Variants in PPP1R9A observed in about 807,000 individuals in gnomAD.
The protein encoded by PPP1R9A is protein phosphatase 1 regulatory subunit 9A.
Under a neutral mutation model 141.9 loss-of-function variants are expected in PPP1R9A, and 59 were observed. The observed-to-expected ratio is 0.42, with a 90% CI of 0.34 to 0.52. The LOEUF (loss-of-function observed/expected upper bound fraction) is 0.52, where lower values mean the gene tolerates loss of function less well. PPP1R9A is among the 20% of genes least tolerant of loss of function. PPP1R9A has a pLI of 0.10. For synonymous variants in PPP1R9A, 500 were observed against 569.7 expected, an observed-to-expected ratio of 0.88 and a Z score of 1.74; for missense variants, 1,444 against 1,611.9, an observed-to-expected ratio of 0.90 and a Z score of 1.78.
intron 2 of PPP1R9A, among the ~76,000 whole-genome samples, chr7:94,980,015 C>T (rs1799897130): frequency 6.6e-6 from 1 of 151,888 alleles, no homozygotes; most frequent in African/African-American, 2.4e-5. Flanking sequence ...TAGACTAATG[C>T]TTCTTTTACC....
chr7:94,950,772 G>A (rs1323087187), intron 2 of PPP1R9A, among the ~76,000 whole-genome samples: 2 of 152,016 alleles, frequency 1.3e-5, no homozygotes, highest in Non-Finnish European at 2.9e-5. Flanking sequence ...TCTGAGACAA[G>A]GTCTCACTTT....
rs1675001966 is a variant in PPP1R9A, at chr7:95,295,612, T to C, written c.*5309T>C. 1 of 152,220 alleles carries C rather than the reference T, an allele frequency of 6.6e-6. No individual in the cohort carries two copies. Among genetic ancestry groups the C allele is most frequent in the Non-Finnish European group, 1.5e-5 (1 of 68,052 alleles). The allele number at this position is 152,220 out of a possible 1,614,324, so 9.4% of individuals were successfully genotyped here. On this transcript the variant is annotated 3_prime_UTR_variant, in exon 20 of 20. Transcript: ENST00000433360. ...GTGCAAGCAATGGCATTTTGGTTGT[T>C]GCCAAAAACAACACAAGTGGTTGGG...
intron 2 of PPP1R9A, among the ~76,000 whole-genome samples, chr7:94,920,240 G>C (rs113081880): frequency 6.6e-6 from 1 of 152,158 alleles, no homozygotes; most frequent in African/African-American, 2.4e-5. Flanking sequence ...AAAACACCCT[G>C]CTGAGGAAAC....
chr7:95,217,223 A>C (rs1199450968), intron 7 of PPP1R9A, among the ~76,000 whole-genome samples: 1 of 152,204 alleles, frequency 6.6e-6, no homozygotes, highest in African/African-American at 2.4e-5. Flanking sequence ...CTATTGAGAT[A>C]ATCATGTGGT....
chr7:94,920,636 A>T (rs1792676146), intron 2 of PPP1R9A, among the ~76,000 whole-genome samples: 1 of 152,248 alleles, frequency 6.6e-6, no homozygotes, highest in East Asian at 1.9e-4. Context: ...TTTATAAGTC[A>T]GATGAGTTTT....
intron 4 of PPP1R9A, among the ~76,000 whole-genome samples, chr7:95,135,008 TTC>T (rs1825390220): frequency 6.6e-6 from 1 of 152,202 alleles, no homozygotes; most frequent in Admixed American, 6.5e-5. Context: ...ATTCTCAGTC[TTC>T]TTGTTGCTCT....
chr7:95,284,349 A>G lies in PPP1R9A; in HGVS notation c.3609+19A>G. On this transcript the variant is annotated intron_variant, in intron 17 of 19. Transcript: ENST00000433360. ...AACCAATGTAATAACACTGCAATAA[A>G]CAATGCATGGTATTTCTTATGTGGG... 2 of 1,421,774 alleles carry G rather than the reference A, an allele frequency of 1.4e-6. No individual in the cohort carries two copies. Among genetic ancestry groups the G allele is most frequent in the Non-Finnish European group, 9.5e-7 (1 of 1,057,816 alleles). 88.1% of individuals were successfully genotyped at this position (1,421,774 alleles called of 1,614,324 possible). A position where few individuals can be genotyped will look rare whatever the true frequency, so the allele number is the denominator to read the frequency against.
At chr7:95,201,573 C>T (rs1263407750) in intron 6 of PPP1R9A, among the ~76,000 whole-genome samples, 1 of 152,044 alleles carries the variant, frequency 6.6e-6, no homozygotes, top group Non-Finnish European at 1.5e-5. Context: ...TGCTTTTTCC[C>T]TATTTTCTAT....
At chr7:95,124,637 G>A (rs1399009537) in intron 4 of PPP1R9A, among the ~76,000 whole-genome samples, 1 of 152,038 alleles carries the variant, frequency 6.6e-6, no homozygotes, top group African/African-American at 2.4e-5. Context: ...TGTTCTCTAA[G>A]GTAGTTCCTT....
At chr7:95,072,721 T>C (rs1814056310) in intron 2 of PPP1R9A, among the ~76,000 whole-genome samples, 1 of 111,670 alleles carries the variant, frequency 9.0e-6, no homozygotes, top group South Asian at 2.3e-4. Context: ...ATATTATATG[T>C]ATATTTATTA....
At chr7:95,013,471 A>T (rs947117953) in intron 2 of PPP1R9A, among the ~76,000 whole-genome samples, 3 of 152,074 alleles carry the variant, frequency 2.0e-5, no homozygotes, top group African/African-American at 4.8e-5. Flanking sequence ...TTAGTCTAGT[A>T]CTAGCAAACA....
intron 4 of PPP1R9A, among the ~76,000 whole-genome samples, chr7:95,126,100 C>T (rs1343613193): frequency 6.6e-6 from 1 of 152,134 alleles, no homozygotes; most frequent in African/African-American, 2.4e-5. Context: ...GCTATTACTG[C>T]TTTGATATGT....
intron 2 of PPP1R9A, among the ~76,000 whole-genome samples, chr7:95,019,074 A>G (rs1805511799): frequency 6.6e-6 from 1 of 152,228 alleles, no homozygotes; most frequent in Admixed American, 6.5e-5. Context: ...ATCATAGACC[A>G]ACATGTAAAA....
intron 2 of PPP1R9A, among the ~76,000 whole-genome samples, chr7:95,088,875 G>A (rs1816968727): frequency 6.6e-6 from 1 of 152,014 alleles, no homozygotes; most frequent in Admixed American, 6.6e-5. Flanking sequence ...TTAATGCAGT[G>A]ATAATTTGCT....
chr7:94,979,016 C>T (rs559827505), intron 2 of PPP1R9A, among the ~76,000 whole-genome samples: 4 of 152,214 alleles, frequency 2.6e-5, no homozygotes, highest in South Asian at 2.1e-4. Context: ...AGGCTGGTCT[C>T]GAACTGCTGA....
chr7:95,156,996 G>A (rs898439706), intron 4 of PPP1R9A: 1 of 152,494 alleles, frequency 6.6e-6, no homozygotes, highest in African/African-American at 2.4e-5. Flanking sequence ...GGGCAGCCAT[G>A]GGCAGATCCA....
In PPP1R9A at chr7:94,910,205, A is replaced by G; in HGVS notation, c.92A>G (p.Lys31Arg). ...TATCGAACTGAGTTTCAGGCACTGAAAAGTACCTTTGACAAACCCAAGTCA... is the reference window on the plus strand; with the variant it reads ...TATCGAACTGAGTTTCAGGCACTGAGAAGTACCTTTGACAAACCCAAGTCA... Reference protein sequence around the residue: ...NAYRTEFQALKSTFDKPKSDG... With the variant: ...NAYRTEFQALRSTFDKPKSDG... Residue 31 changes from lysine (K) to arginine (R), a missense_variant, in exon 2 of 20, where the codon AAA becomes AGA. Physicochemically the swap from Lys to Arg is conservative, Grantham distance 26. Transcript: ENST00000433360. This position sits in a 1 kb window ranked among gnomAD's most constrained non-coding sequence, Gnocchi z 4.5. The G allele has an allele frequency of 6.2e-7, 1 of 1,614,156 alleles. No homozygotes were observed. The highest frequency in any genetic ancestry group is 8.5e-7 in the Non-Finnish European group (1 of 1,180,014).
rs181850249 is a variant in PPP1R9A, at chr7:95,153,271, G to A, written c.1650-8596G>A. 7.9e-5 allele frequency among the ~76,000 whole-genome samples: 12 copies of A among 152,220 alleles called. No individual in the cohort carries two copies. In the South Asian group the frequency reaches 8.3e-4, roughly 11 times the overall value. On this transcript the variant is annotated intron_variant, in intron 4 of 19. Coordinates refer to ENST00000433360, the MANE Select transcript of PPP1R9A (RefSeq NM_001166160.2). ...AGAAGTAGAGTTGTATATTGTAAGCGCTATGCTTGCTATTCAAGATCTTGA... is the reference window on the plus strand; with the variant it reads ...AGAAGTAGAGTTGTATATTGTAAGCACTATGCTTGCTATTCAAGATCTTGA...
intron 5 of PPP1R9A, among the ~76,000 whole-genome samples, chr7:95,170,858 T>C (rs545842123): frequency 6.6e-6 from 1 of 151,804 alleles, no homozygotes; most frequent in East Asian, 1.9e-4. Context: ...TTATTAACTT[T>C]TTAAAACAAA....
Sources: gnomAD v4.1 joint callset for allele counts (sites outside exome capture counted in the v4.1 genomes callset) on GRCh38, gnomAD v4.1.1 for gene constraint, Gnocchi (gnomAD v3.1) non-coding constraint, MANE v1.5 for transcripts, NCBI Gene and HGNC (gene_info 2026-07-23, HGNC 2026-07-21) for gene names.